Variants in NUBP1 observed in about 807,000 individuals in gnomAD.
NUBP1 encodes the protein NUBP iron-sulfur cluster assembly factor 1, cytosolic.
A neutral mutation model predicts 41.8 loss-of-function variants in NUBP1; 46 were observed. The ratio of observed to expected loss-of-function variants is 1.10; its 90% confidence interval spans 0.87 to 1.41. The LOEUF (loss-of-function observed/expected upper bound fraction) is 1.41, where lower values mean the gene tolerates loss of function less well. Among genes scored for constraint, NUBP1 ranks in the 40% most tolerant of loss-of-function variants. NUBP1 has a pLI of 0.00. For synonymous variants in NUBP1, 189 were observed against 154.6 expected, an observed-to-expected ratio of 1.22 and a Z score of -1.65; for missense variants, 494 against 414.0, an observed-to-expected ratio of 1.19 and a Z score of -1.68.
Position 10,761,429 on chromosome 16 carries a change from CG to C in NUBP1, c.676del (p.Val226TrpfsTer5), listed in dbSNP as rs763534337. ...FCRKVKLPII[G>X]VVENMSGFIC... ...GCCGCAAGGTGAAGCTGCCCATCAT[CG>C]GGGTGGTGGAGAACATGAGTGGCTT... On this transcript the variant is annotated frameshift_variant, in exon 8 of 11. Transcript: ENST00000283027. LOFTEE classifies it high-confidence loss of function. 2 of 1,614,126 alleles carry C rather than the reference CG, an allele frequency of 1.2e-6. No homozygotes were observed. The highest frequency in any genetic ancestry group is 1.7e-6 in the Non-Finnish European group (2 of 1,179,998).
intron 9 of NUBP1, among the ~76,000 whole-genome samples, chr16:10,764,761 G>C: frequency 6.7e-6 from 1 of 148,390 alleles, no homozygotes; most frequent in African/African-American, 2.5e-5. Flanking sequence ...GAGTATGTCA[G>C]TCTGTTGGAG....
rs941037581 is a variant in NUBP1 at position 10,758,102 on chromosome 16, A to G, written c.606+75A>G. 3 of 1,536,304 alleles carry G rather than the reference A, an allele frequency of 2.0e-6. No individual in the cohort carries two copies. The South Asian group carries it at 3.5e-5, about 18-fold the overall frequency. The stretch of plus-strand genomic sequence containing the variant: ...GAGATTTCTTTCCTACCTGGCTCTG[A>G]TACTCTGGTCTCACCAAGGCTCTTC... On this transcript the variant is annotated intron_variant, in intron 7 of 10. Transcript: ENST00000283027.
In NUBP1 at chr16:10,766,746, G is replaced by A. The variant is rs2030939920; in HGVS notation, c.821-1203G>A. ...CGGTGTGGGAGGAGAACGGGCCTGAGAATAGGGGCTCAAAGGCCCCATTAC... is the reference window on the plus strand; with the variant it reads ...CGGTGTGGGAGGAGAACGGGCCTGAAAATAGGGGCTCAAAGGCCCCATTAC... On this transcript the variant is annotated intron_variant, in intron 9 of 10. Transcript: ENST00000283027. This position sits in a 1 kb window ranked among gnomAD's most constrained non-coding sequence, Gnocchi z 4.8. 3 of 395,096 alleles carry A rather than the reference G, an allele frequency of 7.6e-6. No individual in the cohort carries two copies. Among genetic ancestry groups the A allele is most frequent in the Non-Finnish European group, 1.3e-5 (3 of 224,468 alleles). The allele number at this position is 395,096 out of a possible 1,614,324, so 24.5% of individuals were successfully genotyped here. A position where few individuals can be genotyped will look rare whatever the true frequency, so the allele number is the denominator to read the frequency against.
At chr16:10,755,826 T>C in intron 5 of NUBP1, 73 bp downstream of exon 5, 1 of 1,426,952 alleles carries the variant, frequency 7.0e-7, no homozygotes, top group Non-Finnish European at 9.9e-7. Flanking sequence ...TTGTGGTTTG[T>C]TGGTCCATAG....
At chr16:10,752,713 T>C (rs1900376463) in intron 4 of NUBP1, 35 bp downstream of exon 4, 1 of 1,562,774 alleles carries the variant, frequency 6.4e-7, no homozygotes, top group Non-Finnish European at 8.8e-7. Context: ...GAAATTATTC[T>C]CTTAAGGCAA....
rs1335988666 is a variant in NUBP1, at chr16:10,744,025, G to A, written c.84G>A (p.Gln28=). 2.3e-5 allele frequency: 36 copies of A among 1,579,684 alleles called. No homozygotes were observed. Among genetic ancestry groups the A allele is most frequent in the Non-Finnish European group, 2.7e-5 (32 of 1,168,712 alleles). ...RGASCQGCPN[Q]RLCASGAGAT... is the part of the protein sequence containing the mutation. ...CTTCATGTCAGGGATGCCCCAACCA[G>A]CGGCTGTGCGCTTCTGGAGCGGGGG... Residue 28 remains glutamine, a synonymous_variant, in exon 2 of 11, where the codon CAG becomes CAA. Transcript: ENST00000283027.
In NUBP1 at chr16:10,757,209, G is replaced by A. The variant is rs145762426; in HGVS notation, c.451+429G>A. Among the ~76,000 whole-genome samples the A allele has an allele frequency of 1.1e-3, 164 of 152,214 alleles. 4 individuals carry two copies. The East Asian group carries it at 0.026, about 24-fold the overall frequency. On this transcript the variant is annotated intron_variant, in intron 6 of 10. Coordinates refer to ENST00000283027, the MANE Select transcript of NUBP1 (RefSeq NM_002484.4). This position sits in a 1 kb window ranked among gnomAD's most constrained non-coding sequence, Gnocchi z 4.1. Reference sequence around the variant, plus strand: ...CCAGCTACTCGAGAGGCTGAGGCAGGAGAACCCAGGAGGCGGAGGTTGCAG... The same window carrying A: ...CCAGCTACTCGAGAGGCTGAGGCAGAAGAACCCAGGAGGCGGAGGTTGCAG...
At chr16:10,758,098 T>C (rs1220223143) in intron 7 of NUBP1, 71 bp downstream of exon 7, 1 of 1,542,914 alleles carries the variant, frequency 6.5e-7, no homozygotes, top group East Asian at 2.3e-5. Context: ...CCTACCTGGC[T>C]CTGATACTCT....
rs959712572 is a variant in NUBP1, at chr16:10,768,711, G to C, written c.905-336G>C. 4.0e-5 allele frequency: 10 copies of C among 252,404 alleles called. No individual in the cohort carries two copies. Among genetic ancestry groups the C allele is most frequent in the Non-Finnish European group, 6.0e-5 (8 of 134,264 alleles). The allele number at this position is 252,404 out of a possible 1,614,324, so 15.6% of individuals were successfully genotyped here. On this transcript the variant is annotated intron_variant, in intron 10 of 10. Transcript: ENST00000283027. The surrounding 1 kb of genome is among the most constrained non-coding windows in gnomAD (Gnocchi z 4.3). The stretch of plus-strand genomic sequence containing the variant: ...CATCAGAGGCCCCAGAGTTAGGGCA[G>C]AGGTGTCAGTGTTTGTTAAAGCTGT...
At chr16:10,763,292 G>A (rs911125105) in intron 9 of NUBP1, among the ~76,000 whole-genome samples, 26 of 152,178 alleles carry the variant, frequency 1.7e-4, no homozygotes, top group Admixed American at 3.3e-4. Flanking sequence ...CCAAGGGGCC[G>A]TGCAGAAAGC....
Position 10,765,033 on chromosome 16 carries a change from G to A in NUBP1, c.821-2916G>A. 6.3e-6 allele frequency: 1 copy of A among 158,056 alleles called. No individual in the cohort carries two copies. The highest frequency in any genetic ancestry group is 1.4e-5 in the Non-Finnish European group (1 of 71,296). 9.8% of individuals were successfully genotyped at this position (158,056 alleles called of 1,614,324 possible). A position where few individuals can be genotyped will look rare whatever the true frequency, so the allele number is the denominator to read the frequency against. Reference sequence around the variant, plus strand: ...ATCTCCCAGAAGCGTGCCTGCCCGAGTGCCATGCTCGTCTCAGTCACTAGC... The same window carrying A: ...ATCTCCCAGAAGCGTGCCTGCCCGAATGCCATGCTCGTCTCAGTCACTAGC... On this transcript the variant is annotated intron_variant, in intron 9 of 10. Coordinates refer to ENST00000283027, the MANE Select transcript of NUBP1 (RefSeq NM_002484.4). This position sits in a 1 kb window ranked among gnomAD's most constrained non-coding sequence, Gnocchi z 4.0.
In NUBP1 at chr16:10,752,625, A is replaced by C; in HGVS notation, c.274A>C (p.Ile92Leu). 6.2e-7 allele frequency: 1 copy of C among 1,613,786 alleles called. No homozygotes were observed. Among genetic ancestry groups the C allele is most frequent in the Non-Finnish European group, 8.5e-7 (1 of 1,179,738 alleles). ...TTGTCCCCAGATTGCTCTTCTAGAC[A>C]TCGATATATGTGGGCCATCGATTCC... is the stretch of plus-strand genomic sequence containing the variant. Reference protein sequence around the residue: ...DENTQIALLDIDICGPSIPKI... With the variant: ...DENTQIALLDLDICGPSIPKI... Residue 92 changes from isoleucine (I) to leucine (L), a missense_variant, in exon 4 of 11, where the codon ATC becomes CTC. Ile to Leu is a conservative substitution (Grantham distance 5). Coordinates refer to ENST00000283027, the MANE Select transcript of NUBP1 (RefSeq NM_002484.4).
chr16:10,755,387 C>T (rs539643740), intron 4 of NUBP1, among the ~76,000 whole-genome samples: 1 of 152,312 alleles, frequency 6.6e-6, no homozygotes, highest in African/African-American at 2.4e-5. Flanking sequence ...CAGGTATCTG[C>T]ATTTTCTCAT....
In NUBP1 at chr16:10,756,742, C is replaced by T. The variant is rs1256592468; in HGVS notation, c.413C>T (p.Pro138Leu). Residue 138 changes from proline to leucine, a missense_variant, in exon 6 of 11, where the codon CCT becomes CTT. Transcript: ENST00000283027. ...TCAGTGGGCTTCCTGCTCAGCAGTC[C>T]TGATGATGCTGTTATCTGGAGGGGA... is the stretch of plus-strand genomic sequence containing the variant. ...VMSVGFLLSS[P>L]DDAVIWRGPK... is the part of the protein sequence containing the mutation. 1 of 1,588,536 alleles carries T rather than the reference C, an allele frequency of 6.3e-7. No individual in the cohort carries two copies. The highest frequency in any genetic ancestry group is 2.4e-5 in the East Asian group (1 of 42,336).
intron 4 of NUBP1, among the ~76,000 whole-genome samples, chr16:10,753,041 G>A (rs1197063995): frequency 6.6e-6 from 1 of 152,176 alleles, no homozygotes; most frequent in East Asian, 1.9e-4. Context: ...GTGATCACCT[G>A]CCTCAGCCTC....
chr16:10,748,869 C>T (rs1351794748), intron 3 of NUBP1, among the ~76,000 whole-genome samples: 1 of 151,954 alleles, frequency 6.6e-6, no homozygotes, highest in Non-Finnish European at 1.5e-5. Flanking sequence ...GCAGGCGGAT[C>T]ACTTGAGGTC....
intron 4 of NUBP1, among the ~76,000 whole-genome samples, chr16:10,754,140 C>T (rs2142702927): frequency 6.6e-6 from 1 of 152,270 alleles, no homozygotes; most frequent in East Asian, 1.9e-4. Context: ...ACTATTGGAT[C>T]ATCCTGTTTA....
intron 9 of NUBP1, among the ~76,000 whole-genome samples, chr16:10,762,987 A>G (rs1178701498): frequency 6.6e-6 from 1 of 151,964 alleles, no homozygotes; most frequent in Admixed American, 6.6e-5. Context: ...ATAGGGGTTC[A>G]GGATGAGGCC....
chr16:10,755,096 G>A (rs1473391480), intron 4 of NUBP1, among the ~76,000 whole-genome samples: 1 of 152,174 alleles, frequency 6.6e-6, no homozygotes, highest in African/African-American at 2.4e-5. Context: ...GCTTGTGACT[G>A]TACAGAAAGC....
Sources: gnomAD v4.1 joint callset for allele counts (sites outside exome capture counted in the v4.1 genomes callset) on GRCh38, gnomAD v4.1.1 for gene constraint, Gnocchi (gnomAD v3.1) non-coding constraint, MANE v1.5 for transcripts, NCBI Gene and HGNC (gene_info 2026-07-23, HGNC 2026-07-21) for gene names.